Variants in ZIM2 observed in about 807,000 individuals in gnomAD.
ZIM2 encodes zinc finger imprinted 2.
Under a neutral mutation model 38.6 loss-of-function variants are expected in ZIM2, and 14 were observed. The observed-to-expected ratio is 0.36, with a 90% CI of 0.24 to 0.57. The LOEUF (loss-of-function observed/expected upper bound fraction) is 0.57, where lower values mean the gene tolerates loss of function less well. ZIM2 is among the 20% of genes least tolerant of loss of function. The pLI, the probability that ZIM2 is intolerant of heterozygous loss-of-function variation, is 0.81. For missense variants in ZIM2, 680 were observed against 695.1 expected, an observed-to-expected ratio of 0.98 and a Z score of 0.24; for synonymous variants, 247 against 245.8, an observed-to-expected ratio of 1.00 and a Z score of -0.04.
At chr19:56,819,125 T>C (rs1419707816) in intron 7 of ZIM2, among the ~76,000 whole-genome samples, 1 of 152,020 alleles carries the variant, frequency 6.6e-6, no homozygotes, top group Non-Finnish European at 1.5e-5. Context: ...TTATGACACA[T>C]ATAGAAAGGG....
intron 9 of ZIM2, chr19:56,812,933 T>A: frequency 2.0e-6 from 2 of 985,798 alleles, no homozygotes; most frequent in Non-Finnish European, 1.2e-6. Context: ...AATCCGTATA[T>A]TGTAAAGCCT....
intron 9 of ZIM2, among the ~76,000 whole-genome samples, chr19:56,801,429 C>T (rs1331016109): frequency 6.6e-6 from 1 of 152,156 alleles, no homozygotes; most frequent in African/African-American, 2.4e-5. Flanking sequence ...ACCAGCCTTA[C>T]TCTATGATGC....
At chr19:56,775,583 C>T (rs1335419622) in intron 12 of ZIM2, 54 bp from the exon 13 acceptor site, 19 of 1,529,428 alleles carry the variant, frequency 1.2e-5, no homozygotes, top group Non-Finnish European at 1.4e-5. Flanking sequence ...ATCCTGCCCC[C>T]CAATAATGAT....
At chr19:56,787,198 T>A (rs894374979) in intron 10 of ZIM2, among the ~76,000 whole-genome samples, 1 of 152,260 alleles carries the variant, frequency 6.6e-6, no homozygotes, top group African/African-American at 2.4e-5. Context: ...CCTTGATCTA[T>A]AAATGGTCAT....
intron 9 of ZIM2, chr19:56,815,354 G>C: frequency 6.2e-7 from 1 of 1,614,104 alleles, no homozygotes; most frequent in Non-Finnish European, 8.5e-7. Context: ...CATTTGTTCC[G>C]CGCTTGCTCT....
intron 3 of ZIM2, chr19:56,824,878 T>G: frequency 1.9e-6 from 1 of 529,818 alleles, no homozygotes; most frequent in Admixed American, 3.2e-5. Flanking sequence ...CCGCACAAAG[T>G]TGGCCTCAGC....
chr19:56,789,715 A>C (rs1034366222), intron 10 of ZIM2, among the ~76,000 whole-genome samples, 157 bp downstream of exon 10: 2 of 152,200 alleles, frequency 1.3e-5, no homozygotes, highest in African/African-American at 2.4e-5. Context: ...AATCATAAGC[A>C]AATGTCAGAT....
chr19:56,815,049 C>T (rs1244236014), intron 9 of ZIM2: 1 of 1,614,160 alleles, frequency 6.2e-7, no homozygotes, highest in African/African-American at 1.3e-5. Flanking sequence ...CCAGGCACTT[C>T]CTGCTGTGGA....
In ZIM2 at chr19:56,789,929, G is replaced by A; in HGVS notation, c.513C>T (p.Val171=). The A allele has an allele frequency of 1.3e-6, 2 of 1,575,132 alleles. No individual in the cohort carries two copies. Among genetic ancestry groups the A allele is most frequent in the Non-Finnish European group, 1.7e-6 (2 of 1,153,492 alleles). The change falls in exon 10 of 13, where the codon GTC becomes GTT. Residue 171 remains valine, a synonymous_variant. Transcript: ENST00000629319. ...TSRGFLAQDS[V]PAEKRNTEML... is the part of the protein sequence containing the mutation. ...TCTCTGTGTTCCTCTTTTCTGCAGG[G>A]ACAGAGTCCTGAGCAAGGAAACCTA...
intron 9 of ZIM2, chr19:56,810,106 G>T: frequency 1.1e-6 from 1 of 929,984 alleles, no homozygotes; most frequent in Non-Finnish European, 1.3e-6. Flanking sequence ...TATTTTTATT[G>T]TTGACACTAT....
intron 4 of ZIM2, 51 bp from the exon 5 acceptor site, chr19:56,823,730 A>G: frequency 6.2e-7 from 1 of 1,600,696 alleles, no homozygotes; most frequent in Non-Finnish European, 8.6e-7. Context: ...CATTCTCACA[A>G]TAGTTCCCCC....
chr19:56,816,705 A>C (rs773055680), intron 9 of ZIM2: 1 of 1,614,134 alleles, frequency 6.2e-7, no homozygotes, highest in Non-Finnish European at 8.5e-7. Flanking sequence ...TCTGGTGCTC[A>C]ATCAGGGCAG....
rs139541012 is a variant in ZIM2, at chr19:56,818,705, A to G, written c.295-3T>C. The G allele has an allele frequency of 2.8e-4, 456 of 1,614,148 alleles. 3 individuals carry two copies. Among genetic ancestry groups the G allele is most frequent in the Admixed American group, 6.3e-4 (38 of 60,024 alleles). ...ACATTTTGGTATGATTCAGCATCCTAAAACAGCAAACACAGACCTCTCAAT... is the reference window on the plus strand; with the variant it reads ...ACATTTTGGTATGATTCAGCATCCTGAAACAGCAAACACAGACCTCTCAAT... On this transcript the variant is annotated splice_polypyrimidine_tract_variant and splice_region_variant and intron_variant, in intron 7 of 12. Coordinates refer to ENST00000629319, the MANE Select transcript of ZIM2 (RefSeq NM_001387356.1).
At position 56,818,827 on chromosome 19, in the gene ZIM2, TTC is replaced by T; in HGVS notation, c.295-127_295-126del. On this transcript the variant is annotated intron_variant, in intron 7 of 12. Transcript: ENST00000629319. ...ATAGGAAGTGCTCACGGTATTGGGG[TTC>T]TGAGTGATCCAAGTCAAGTGTTACT... is the stretch of plus-strand genomic sequence containing the variant. 3.7e-6 allele frequency: 4 copies of T among 1,084,222 alleles called. 1 individual carries two copies. The South Asian group carries it at 5.9e-5, about 16-fold the overall frequency. The allele number at this position is 1,084,222 out of a possible 1,614,324, so 67.2% of individuals were successfully genotyped here.
intron 12 of ZIM2, among the ~76,000 whole-genome samples, chr19:56,778,540 C>T (rs1000543217): frequency 6.6e-6 from 1 of 152,232 alleles, no homozygotes; most frequent in African/African-American, 2.4e-5. Context: ...TTCTTGGACA[C>T]ACCAGCTCTT....
At chr19:56,816,560 C>T (rs569678910) in intron 9 of ZIM2, 61 of 1,614,012 alleles carry the variant, frequency 3.8e-5, no homozygotes, top group South Asian at 7.7e-5. Flanking sequence ...ACCTTACATT[C>T]GTACATTTTC....
At chr19:56,789,460 T>C (rs2046808868) in intron 10 of ZIM2, among the ~76,000 whole-genome samples, 1 of 152,170 alleles carries the variant, frequency 6.6e-6, no homozygotes, top group South Asian at 2.1e-4. Context: ...TTATTTAGTC[T>C]TTCTGCCTCC....
Position 56,811,033 on chromosome 19 carries a change from C to T in ZIM2, c.490+6713G>A, listed in dbSNP as rs1157485875. The T allele has an allele frequency of 8.2e-6, 8 of 980,108 alleles. No individual in the cohort carries two copies. The East Asian group carries it at 8.0e-4, about 98-fold the overall frequency. 60.7% of individuals were successfully genotyped at this position (980,108 alleles called of 1,614,324 possible). A position where few individuals can be genotyped will look rare whatever the true frequency, so the allele number is the denominator to read the frequency against. Reference sequence around the variant, plus strand: ...TTTTGACACAGTTATAATCATAAACCTGTGCACAGAAACAAGAATGAACAA... The same window carrying T: ...TTTTGACACAGTTATAATCATAAACTTGTGCACAGAAACAAGAATGAACAA... On this transcript the variant is annotated intron_variant, in intron 9 of 12. Coordinates refer to ENST00000629319, the MANE Select transcript of ZIM2 (RefSeq NM_001387356.1).
intron 9 of ZIM2, among the ~76,000 whole-genome samples, chr19:56,800,111 T>C (rs375281547): frequency 3.2e-4 from 48 of 152,258 alleles, no homozygotes; most frequent in African/African-American, 1.2e-3. Context: ...GAGATTTGAG[T>C]TACACAGGTG....
Sources: gnomAD v4.1 joint callset for allele counts (sites outside exome capture counted in the v4.1 genomes callset) on GRCh38, gnomAD v4.1.1 for gene constraint, MANE v1.5 for transcripts, NCBI Gene and HGNC (gene_info 2026-07-23, HGNC 2026-07-21) for gene names.